The following SLC25A2 variants were observed in gnomAD, a reference collection of about 807,000 sequenced individuals.
SLC25A2 encodes mitochondrial ornithine transporter 2.
A neutral mutation model predicts 7.4 loss-of-function variants in SLC25A2; 6 were observed. The observed-to-expected ratio is 0.82, with a 90% CI of 0.45 to 1.61. The LOEUF is 1.61. Ranked by LOEUF, SLC25A2 falls within the 40% of genes most tolerant of loss-of-function variation. The probability of loss-of-function intolerance (pLI) is 0.01; values close to 1 mark genes in which losing one functional copy is unlikely to be tolerated. For synonymous variants in SLC25A2, 158 were observed against 153.4 expected, an observed-to-expected ratio of 1.03 and a Z score of -0.22; for missense variants, 356 against 377.3, an observed-to-expected ratio of 0.94 and a Z score of 0.47.
chr5:141,302,672 C>T lies in SLC25A2; in HGVS notation c.*288G>A, dbSNP rs150159946. 3.2e-4 allele frequency: 97 copies of T among 306,798 alleles called. No homozygotes were observed. The highest frequency in any genetic ancestry group is 2.0e-3 in the African/African-American group (92 of 45,946). The allele number at this position is 306,798 out of a possible 1,614,324, so 19.0% of individuals were successfully genotyped here. A position where few individuals can be genotyped will look rare whatever the true frequency, so the allele number is the denominator to read the frequency against. On this transcript the variant is annotated 3_prime_UTR_variant, in exon 1 of 1. Coordinates refer to ENST00000239451, the MANE Select transcript of SLC25A2 (RefSeq NM_031947.4). Reference sequence around the variant, plus strand: ...GCTTTATGCAAAGGCCCTGACAGAACGATATTTAGTTTTTCAGATTAGGTA... The same window carrying T: ...GCTTTATGCAAAGGCCCTGACAGAATGATATTTAGTTTTTCAGATTAGGTA...
In SLC25A2 at chr5:141,304,016, G is replaced by C; in HGVS notation, c.-151C>G. On this transcript the variant is annotated 5_prime_UTR_variant, in exon 1 of 1. Transcript: ENST00000239451. The stretch of plus-strand genomic sequence containing the variant: ...GCCTGTTCTGGGCTCTCACCCCAGT[G>C]CGGGGGAAGCCGCTCAACCCTACGC... 4 of 866,566 alleles carry C rather than the reference G, an allele frequency of 4.6e-6. No homozygotes were observed. Among genetic ancestry groups the C allele is most frequent in the Non-Finnish European group, 7.0e-6 (4 of 572,794 alleles). 53.7% of individuals were successfully genotyped at this position (866,566 alleles called of 1,614,324 possible).
Position 141,302,842 on chromosome 5 carries a change from G to C in SLC25A2, c.*118C>G. 2.7e-6 allele frequency: 3 copies of C among 1,101,304 alleles called. No individual in the cohort carries two copies. Among genetic ancestry groups the C allele is most frequent in the Non-Finnish European group, 2.5e-6 (2 of 786,986 alleles). 68.2% of individuals were successfully genotyped at this position (1,101,304 alleles called of 1,614,324 possible). Reference sequence around the variant, plus strand: ...TAAGATTTAGGGTAGAAGAAGGGAAGATAAAACCAAAATTCCCATGAAGTC... The same window carrying C: ...TAAGATTTAGGGTAGAAGAAGGGAACATAAAACCAAAATTCCCATGAAGTC... On this transcript the variant is annotated 3_prime_UTR_variant, in exon 1 of 1. Coordinates refer to ENST00000239451, the MANE Select transcript of SLC25A2 (RefSeq NM_031947.4).
rs782759160 is a variant in SLC25A2 at position 141,303,824 on chromosome 5, T to A, written c.42A>T (p.Thr14=). The change falls in exon 1 of 1, where the codon ACA becomes ACT. Residue 14 remains threonine (T), a synonymous_variant. Coordinates refer to ENST00000239451, the MANE Select transcript of SLC25A2 (RefSeq NM_031947.4). Reference sequence around the variant, plus strand: ...ACGCTGTCCCCCCTGCGGCCCCCGCTGTGAGGTCGATGGCGGCTTGGATGC... The same window carrying A: ...ACGCTGTCCCCCCTGCGGCCCCCGCAGTGAGGTCGATGGCGGCTTGGATGC... ...GPGIQAAIDL[T]AGAAGGTACV... 5 of 1,614,194 alleles carry A rather than the reference T, an allele frequency of 3.1e-6. No individual in the cohort carries two copies. Among genetic ancestry groups the A allele is most frequent in the Non-Finnish European group, 4.2e-6 (5 of 1,180,020 alleles).
At position 141,303,355 on chromosome 5, in the gene SLC25A2, G is replaced by C. The variant is rs782046426; in HGVS notation, c.511C>G (p.His171Asp). ...TGAAGTAGAGTACTCGAGAGTCCATGGTAGAAGCCCAAGGGGCCATCCTTT... is the reference window on the plus strand; with the variant it reads ...TGAAGTAGAGTACTCGAGAGTCCATCGTAGAAGCCCAAGGGGCCATCCTTT... ...LKKDGPLGFYHGLSSTLLQEV... is the reference protein window; with the variant it reads ...LKKDGPLGFYDGLSSTLLQEV... Residue 171 changes from histidine (H) to aspartate (D), a missense_variant, in exon 1 of 1, where the codon CAT becomes GAT. His to Asp is a moderately conservative substitution (Grantham distance 81). Coordinates refer to ENST00000239451, the MANE Select transcript of SLC25A2 (RefSeq NM_031947.4). The C allele has an allele frequency of 5.0e-6, 8 of 1,614,210 alleles. No homozygotes were observed. The highest frequency in any genetic ancestry group is 6.8e-6 in the Non-Finnish European group (8 of 1,180,044).
Position 141,303,810 on chromosome 5 carries a change from C to G in SLC25A2, c.56G>C (p.Gly19Ala), listed in dbSNP as rs201461973. Residue 19 changes from glycine (G) to alanine (A), a missense_variant, in exon 1 of 1, where the codon GGG (glycine) becomes GCG (alanine). Physicochemically the swap from Gly to Ala is moderately conservative, Grantham distance 60. Coordinates refer to ENST00000239451, the MANE Select transcript of SLC25A2 (RefSeq NM_031947.4). ...CCCAGTCAGTACACACGCTGTCCCC[C>G]CTGCGGCCCCCGCTGTGAGGTCGAT... ...AAIDLTAGAA[G>A]GTACVLTGQP... 1.2e-4 allele frequency: 198 copies of G among 1,614,098 alleles called. No individual in the cohort carries two copies. The highest frequency in any genetic ancestry group is 1.6e-4 in the Middle Eastern group (1 of 6,084).
Position 141,303,535 on chromosome 5 carries a change from C to T in SLC25A2, c.331G>A (p.Ala111Thr), listed in dbSNP as rs201288464. The change falls in exon 1 of 1, where the codon GCC (alanine) becomes ACC (threonine). Residue 111 changes from alanine to threonine, a missense_variant. By Grantham distance (58) the Ala-to-Thr change is moderately conservative (BLOSUM62 0). Transcript: ENST00000239451. ...AATGCAGAGGCGAAGGACCCCGCGG[C>T]TGCAGTCTGGAGATCACTCAGCTTT... ...QAKLSDLQTAAAGSFASAFAA... is the reference protein window; with the variant it reads ...QAKLSDLQTATAGSFASAFAA... The T allele has an allele frequency of 1.9e-6, 3 of 1,614,250 alleles. No individual in the cohort carries two copies. The highest frequency in any genetic ancestry group is 2.5e-6 in the Non-Finnish European group (3 of 1,180,052).
chr5:141,303,998 C>T lies in SLC25A2; in HGVS notation c.-133G>A. ...TGGTGGGGTGGCTCTACCGCCTGTT[C>T]TGGGCTCTCACCCCAGTGCGGGGGA... On this transcript the variant is annotated 5_prime_UTR_variant, in exon 1 of 1. Coordinates refer to ENST00000239451, the MANE Select transcript of SLC25A2 (RefSeq NM_031947.4). The T allele has an allele frequency of 9.6e-7, 1 of 1,038,128 alleles. No individual in the cohort carries two copies. The highest frequency in any genetic ancestry group is 1.4e-6 in the Non-Finnish European group (1 of 721,796). The allele number at this position is 1,038,128 out of a possible 1,614,324, so 64.3% of individuals were successfully genotyped here. A position where few individuals can be genotyped will look rare whatever the true frequency, so the allele number is the denominator to read the frequency against.
chr5:141,302,889 A>G lies in SLC25A2; in HGVS notation c.*71T>C. The G allele has an allele frequency of 6.7e-7, 1 of 1,492,498 alleles. No individual in the cohort carries two copies. Among genetic ancestry groups the G allele is most frequent in the Non-Finnish European group, 9.0e-7 (1 of 1,109,100 alleles). 92.5% of individuals were successfully genotyped at this position (1,492,498 alleles called of 1,614,324 possible). On this transcript the variant is annotated 3_prime_UTR_variant, in exon 1 of 1. Coordinates refer to ENST00000239451, the MANE Select transcript of SLC25A2 (RefSeq NM_031947.4). ...AGTCAAAATTAGACAGTGGTCTTGT[A>G]CTCTGCTGAACCCTGTGATGAACTG...
chr5:141,304,033 A>AC lies in SLC25A2; in HGVS notation c.-169dup, dbSNP rs1453636866. On this transcript the variant is annotated 5_prime_UTR_variant, in exon 1 of 1. Transcript: ENST00000239451. ...ACCCCAGTGCGGGGGAAGCCGCTCA[A>AC]CCCTACGCTCCGCCGCGGGCCGCCC... 6 of 748,586 alleles carry AC rather than the reference A, an allele frequency of 8.0e-6. No individual in the cohort carries two copies. Among genetic ancestry groups the AC allele is most frequent in the Non-Finnish European group, 1.3e-5 (6 of 471,238 alleles). 46.4% of individuals were successfully genotyped at this position (748,586 alleles called of 1,614,324 possible).
chr5:141,303,494 G>A lies in SLC25A2; in HGVS notation c.372C>T (p.Leu124=). Residue 124 remains leucine (L), a synonymous_variant, in exon 1 of 1, where the codon CTC becomes CTT. Transcript: ENST00000239451. The part of the protein sequence containing the change: ...SFASAFAALA[L]CPTELVKCRL... ...GGCACTTCACAAGCTCAGTGGGGCA[G>A]AGAGCCAGTGCAGCAAATGCAGAGG... The A allele has an allele frequency of 6.2e-7, 1 of 1,614,236 alleles. No individual in the cohort carries two copies. Among genetic ancestry groups the A allele is most frequent in the Non-Finnish European group, 8.5e-7 (1 of 1,180,042 alleles).
rs782208472 is a variant in SLC25A2 at position 141,303,722 on chromosome 5, G to A, written c.144C>T (p.Thr48=). ...GAGCGTATGTCTTCAGGAAGCAGTC[G>A]GTGAGGCCCTTGTACAGGTCAGGGA... The part of the protein sequence containing the change: ...QTFPDLYKGL[T]DCFLKTYAQV... The change falls in exon 1 of 1, where the codon ACC becomes ACT. Residue 48 remains threonine, a synonymous_variant. Transcript: ENST00000239451. 4.3e-6 allele frequency: 7 copies of A among 1,613,984 alleles called. No individual in the cohort carries two copies. Among genetic ancestry groups the A allele is most frequent in the South Asian group, 2.2e-5 (2 of 91,072 alleles).
Position 141,303,525 on chromosome 5 carries a change from G to A in SLC25A2, c.341C>T (p.Ser114Phe). The A allele has an allele frequency of 6.2e-7, 1 of 1,614,238 alleles. No individual in the cohort carries two copies. Among genetic ancestry groups the A allele is most frequent in the Non-Finnish European group, 8.5e-7 (1 of 1,180,040 alleles). The change falls in exon 1 of 1, where the codon TCC becomes TTC. Residue 114 changes from serine to phenylalanine, a missense_variant. Transcript: ENST00000239451. ...LSDLQTAAAG[S>F]FASAFAALAL... ...CAGTGCAGCAAATGCAGAGGCGAAG[G>A]ACCCCGCGGCTGCAGTCTGGAGATC...
At position 141,303,461 on chromosome 5, in the gene SLC25A2, C is replaced by G. The variant is rs1755939264; in HGVS notation, c.405G>C (p.Gln135His). ...CPTELVKCRL[Q>H]TMYEMEMSGK... ...CTGACATCTCCATTTCATACATGGT[C>G]TGTAGCCGGCACTTCACAAGCTCAG... The change falls in exon 1 of 1, where the codon CAG becomes CAC. Residue 135 changes from glutamine (Q) to histidine (H), a missense_variant. Gln to His is a conservative substitution (Grantham distance 24). Coordinates refer to ENST00000239451, the MANE Select transcript of SLC25A2 (RefSeq NM_031947.4). The G allele has an allele frequency of 6.2e-7, 1 of 1,614,090 alleles. No individual in the cohort carries two copies. Among genetic ancestry groups the G allele is most frequent in the South Asian group, 1.1e-5 (1 of 91,092 alleles).
rs530713309 is a variant in SLC25A2 at position 141,303,275 on chromosome 5, A to C, written c.591T>G (p.Phe197Leu). The C allele has an allele frequency of 5.0e-6, 8 of 1,614,102 alleles. No homozygotes were observed. Among genetic ancestry groups the C allele is most frequent in the Non-Finnish European group, 6.8e-6 (8 of 1,180,040 alleles). The change falls in exon 1 of 1, where the codon TTT becomes TTG. Residue 197 changes from phenylalanine (F) to leucine (L), a missense_variant. By Grantham distance (22) the Phe-to-Leu change is conservative (BLOSUM62 0). Coordinates refer to ENST00000239451, the MANE Select transcript of SLC25A2 (RefSeq NM_031947.4). ...FFGGYELSRS[F>L]FASGRSKDEL... Reference sequence around the variant, plus strand: ...CATCTTTTGATCTCCCTGACGCAAAAAACGATCGGCTCAGTTCATAGCCAC... The same window carrying C: ...CATCTTTTGATCTCCCTGACGCAAACAACGATCGGCTCAGTTCATAGCCAC...
chr5:141,303,671 C>T lies in SLC25A2; in HGVS notation c.195G>A (p.Lys65=), dbSNP rs1554296115. 2 of 1,614,022 alleles carry T rather than the reference C, an allele frequency of 1.2e-6. No individual in the cohort carries two copies. Among genetic ancestry groups the T allele is most frequent in the Admixed American group, 3.3e-5 (2 of 60,010 alleles). The change falls in exon 1 of 1, where the codon AAG becomes AAA. Residue 65 remains lysine, a synonymous_variant. Transcript: ENST00000239451. ...AGGCCATAAGTGCCGGGCCGGTGCC[C>T]TTGTAGAAGCCCCGGAGACCCACTT... ...YAQVGLRGFY[K]GTGPALMAYV...
In SLC25A2 at chr5:141,303,270, G is replaced by C; in HGVS notation, c.596C>G (p.Ala199Gly). ...TAGTTCATCTTTTGATCTCCCTGAC[G>C]CAAAAAACGATCGGCTCAGTTCATA... ...GGYELSRSFF[A>G]SGRSKDELGP... The change falls in exon 1 of 1, where the codon GCG becomes GGG. Residue 199 changes from alanine to glycine, a missense_variant. Coordinates refer to ENST00000239451, the MANE Select transcript of SLC25A2 (RefSeq NM_031947.4). 6.2e-7 allele frequency: 1 copy of C among 1,613,990 alleles called. No homozygotes were observed. Among genetic ancestry groups the C allele is most frequent in the Middle Eastern group, 1.6e-4 (1 of 6,062 alleles).
chr5:141,303,608 C>T lies in SLC25A2; in HGVS notation c.258G>A (p.Gly86=). 6.2e-7 allele frequency: 1 copy of T among 1,614,220 alleles called. No homozygotes were observed. ...CTTTCCTGACAAACTGCTGGCAGAACCCGTAGCACATGAAGAGGACCGAGT... is the reference window on the plus strand; with the variant it reads ...CTTTCCTGACAAACTGCTGGCAGAATCCGTAGCACATGAAGAGGACCGAGT... ...AENSVLFMCY[G]FCQQFVRKVA... is the part of the protein sequence containing the mutation. Residue 86 remains glycine (G), a synonymous_variant, in exon 1 of 1, where the codon GGG becomes GGA. Coordinates refer to ENST00000239451, the MANE Select transcript of SLC25A2 (RefSeq NM_031947.4).
At position 141,303,474 on chromosome 5, in the gene SLC25A2, T is replaced by C. The variant is rs781879731; in HGVS notation, c.392A>G (p.Lys131Arg). ...TTCATACATGGTCTGTAGCCGGCAC[T>C]TCACAAGCTCAGTGGGGCAGAGAGC... Reference protein sequence around the residue: ...ALALCPTELVKCRLQTMYEME... With the variant: ...ALALCPTELVRCRLQTMYEME... Residue 131 changes from lysine to arginine, a missense_variant, in exon 1 of 1, where the codon AAG becomes AGG. Coordinates refer to ENST00000239451, the MANE Select transcript of SLC25A2 (RefSeq NM_031947.4). The C allele has an allele frequency of 1.2e-6, 2 of 1,614,206 alleles. No individual in the cohort carries two copies. The highest frequency in any genetic ancestry group is 1.7e-6 in the Non-Finnish European group (2 of 1,180,036).
In SLC25A2 at chr5:141,303,953, G is replaced by C; in HGVS notation, c.-88C>G. The C allele has an allele frequency of 1.4e-6, 2 of 1,446,660 alleles. No homozygotes were observed. The highest frequency in any genetic ancestry group is 1.9e-6 in the Non-Finnish European group (2 of 1,075,272). The allele number at this position is 1,446,660 out of a possible 1,614,324, so 89.6% of individuals were successfully genotyped here. ...CTTTTCACGTCCAGCCGCAGCGAGC[G>C]CGGGGAATGGAGTTGGGGGTGGTGG... On this transcript the variant is annotated 5_prime_UTR_variant, in exon 1 of 1. Coordinates refer to ENST00000239451, the MANE Select transcript of SLC25A2 (RefSeq NM_031947.4).
Sources: gnomAD v4.1 joint callset for allele counts on GRCh38, gnomAD v4.1.1 for gene constraint, MANE v1.5 for transcripts, NCBI Gene and HGNC (gene_info 2026-07-23, HGNC 2026-07-21) for gene names.